Variants in MAGEB17 observed in about 807,000 individuals in gnomAD.
MAGEB17 encodes the protein melanoma-associated antigen B17.
For missense variants in MAGEB17, 251 were observed against 281.4 expected (o/e 0.89, Z 0.77); for synonymous variants, 110 against 112.4 (o/e 0.98, Z 0.13).
At chrX:16,170,206 G>T (rs1303809607) in intron 1 of MAGEB17, 128 bp from the exon 2 acceptor site, 3 of 967,801 alleles carry the variant, frequency 3.1e-6, no homozygotes, top group Non-Finnish European at 4.0e-6. Flanking sequence ...CCAGGGGACA[G>T]GCTGCCCTGG....
chrX:16,171,254 C>T lies in MAGEB17; in HGVS notation c.872C>T (p.Ala291Val). 1 of 1,209,708 alleles carries T rather than the reference C, an allele frequency of 8.3e-7. No individual in the cohort carries two copies. Among genetic ancestry groups the T allele is most frequent in the Non-Finnish European group, 1.1e-6 (1 of 894,722 alleles). ...AAAATGAAAGTCCTGGAGTTTGTGG[C>T]CAAGCTCAATGATACCGTTGCCAGT... The part of the protein sequence containing the change: ...TSKMKVLEFV[A>V]KLNDTVASTY... The change falls in exon 2 of 2, where the codon GCC becomes GTC. Residue 291 changes from alanine (A) to valine (V), a missense_variant. Ala to Val is a moderately conservative substitution (Grantham distance 64). Transcript: ENST00000400004.
At position 16,171,134 on chromosome X, in the gene MAGEB17, T is replaced by A; in HGVS notation, c.752T>A (p.Val251Glu). 1.7e-6 allele frequency: 2 copies of A among 1,210,808 alleles called. No homozygotes were observed. The highest frequency in any genetic ancestry group is 4.6e-4 in the Middle Eastern group (2 of 4,351). Residue 251 changes from valine (V) to glutamate (E), a missense_variant, in exon 2 of 2, where the codon GTG (valine) becomes GAG (glutamate). Val to Glu is a moderately radical substitution (Grantham distance 121, BLOSUM62 -2). Coordinates refer to ENST00000400004, the MANE Select transcript of MAGEB17 (RefSeq NM_001277307.2). ...CAGGAGCTTGTCACCAAAGATTTGG[T>A]GCGAGAGGGGTACCTGGAGTACCAG... ...EPQELVTKDL[V>E]REGYLEYQQV...
Position 16,167,973 on chromosome X carries a change from G to A in MAGEB17, c.-50+190G>A, listed in dbSNP as rs897409174. ...GGTGTGAGGGTGAGGCTTCGATTCT[G>A]CAGAGGGATGGACTCCTAGGCCCTA... On this transcript the variant is annotated intron_variant, in intron 1 of 1. Coordinates refer to ENST00000400004, the MANE Select transcript of MAGEB17 (RefSeq NM_001277307.2). Among the ~76,000 whole-genome samples, 7 of 111,526 alleles carry A rather than the reference G, an allele frequency of 6.3e-5. No individual in the cohort carries two copies. The East Asian group carries it at 1.4e-3, about 23-fold the overall frequency.
chrX:16,168,366 A>C (rs2147043605), intron 1 of MAGEB17, among the ~76,000 whole-genome samples: 1 of 110,947 alleles, frequency 9.0e-6, no homozygotes, highest in African/African-American at 3.3e-5. Context: ...AAAAAAGGAA[A>C]AAGCAAGAGA....
At position 16,170,440 on chromosome X, in the gene MAGEB17, G is replaced by C. The variant is rs1923032420; in HGVS notation, c.58G>C (p.Gly20Arg). The change falls in exon 2 of 2, where the codon GGT becomes CGT. Residue 20 changes from glycine (G) to arginine (R), a missense_variant. By Grantham distance (125) the Gly-to-Arg change is moderately radical (BLOSUM62 -2). Transcript: ENST00000400004. ...RAREKRRQAR[G>R]EDQCLGGAQA... is the part of the protein sequence containing the mutation. ...CCGTGAGAAACGCCGCCAGGCTCGA[G>C]GTGAAGACCAATGTCTCGGGGGTGC... 8.6e-7 allele frequency: 1 copy of C among 1,165,679 alleles called. No individual in the cohort carries two copies. The highest frequency in any genetic ancestry group is 2.6e-5 in the Admixed American group (1 of 38,655).
chrX:16,170,319 T>A lies in MAGEB17; in HGVS notation c.-49-15T>A. 1 of 1,119,722 alleles carries A rather than the reference T, an allele frequency of 8.9e-7. No individual in the cohort carries two copies. The highest frequency in any genetic ancestry group is 1.2e-6 in the Non-Finnish European group (1 of 851,141). 92.3% of individuals were successfully genotyped at this position (1,119,722 alleles called of 1,213,427 possible). The stretch of plus-strand genomic sequence containing the variant: ...CCCACTGAGGGGCTCACACACTCTG[T>A]TCCTCCTGCTCCAGGTGCCCACCTC... On this transcript the variant is annotated splice_polypyrimidine_tract_variant and intron_variant, in intron 1 of 1. Coordinates refer to ENST00000400004, the MANE Select transcript of MAGEB17 (RefSeq NM_001277307.2).
rs1923030236 is a variant in MAGEB17, at chrX:16,170,392, GGTCAGGCGA to G, written c.13_21del (p.Gln5_Ser7del). Reference sequence around the variant, plus strand: ...CCTAAGCACAGTCATCATGCCTCGCGGTCAGGCGAGTAAGCGCCGTGCCCGTGAGAAACG... The same window carrying G: ...CCTAAGCACAGTCATCATGCCTCGCGGTAAGCGCCGTGCCCGTGAGAAACG... On this transcript the variant is annotated inframe_deletion, in exon 2 of 2. Transcript: ENST00000400004. 1 of 1,160,527 alleles carries G rather than the reference GGTCAGGCGA, an allele frequency of 8.6e-7. No homozygotes were observed. Among genetic ancestry groups the G allele is most frequent in the African/African-American group, 1.8e-5 (1 of 56,164 alleles).
Position 16,170,573 on chromosome X carries a change from G to T in MAGEB17, c.191G>T (p.Arg64Ile). Residue 64 changes from arginine to isoleucine, a missense_variant, in exon 2 of 2, where the codon AGA becomes ATA. Coordinates refer to ENST00000400004, the MANE Select transcript of MAGEB17 (RefSeq NM_001277307.2). ...GCAGGCATTCCTCAGGAGTCCCAGA[G>T]AGCCAGCTACCCCAGCTCTCCTGCT... ...PNAGIPQESQ[R>I]ASYPSSPASA... 8.6e-7 allele frequency: 1 copy of T among 1,166,999 alleles called. No homozygotes were observed. Among genetic ancestry groups the T allele is most frequent in the Non-Finnish European group, 1.1e-6 (1 of 873,071 alleles).
At chrX:16,170,300 G>A in intron 1 of MAGEB17, 34 bp from the exon 2 acceptor site, 1 of 1,105,020 alleles carries the variant, frequency 9.0e-7, no homozygotes, top group Non-Finnish European at 1.2e-6. Flanking sequence ...TCTCCCCACT[G>A]AGGGGCTCAC....
chrX:16,168,926 TGAG>T (rs1216141018), intron 1 of MAGEB17: 1 of 109,854 alleles, frequency 9.1e-6, no homozygotes, highest in Non-Finnish European at 1.9e-5. Context: ...AAACCCTGCG[TGAG>T]GAGGGAGGAA....
chrX:16,170,202 G>A, intron 1 of MAGEB17, 132 bp from the exon 2 acceptor site: 1 of 937,884 alleles, frequency 1.1e-6, no homozygotes, highest in Non-Finnish European at 1.4e-6. Flanking sequence ...GTCCCCAGGG[G>A]ACAGGCTGCC....
At chrX:16,170,280 T>C in intron 1 of MAGEB17, 54 bp from the exon 2 acceptor site, 2 of 1,094,851 alleles carry the variant, frequency 1.8e-6, no homozygotes, top group Non-Finnish European at 2.4e-6. Context: ...GAGGCCTCCT[T>C]AAGGTGATAT....
At chrX:16,167,865 G>A (rs1265510630) in intron 1 of MAGEB17, 82 bp downstream of exon 1, 3 of 111,935 alleles carry the variant, frequency 2.7e-5, no homozygotes, top group Non-Finnish European at 5.6e-5. Flanking sequence ...CCCGCCCCCG[G>A]GTACCCACCT....
At chrX:16,170,095 TCA>T (rs1465082825) in intron 1 of MAGEB17, among the ~76,000 whole-genome samples, 1 of 112,084 alleles carries the variant, frequency 8.9e-6, no homozygotes, top group Non-Finnish European at 1.9e-5. Flanking sequence ...CCAGATGGCC[TCA>T]GTTTCCCCTC....
intron 1 of MAGEB17, among the ~76,000 whole-genome samples, chrX:16,168,340 T>C (rs1405629598): frequency 2.2e-5 from 2 of 90,487 alleles, no homozygotes; most frequent in African/African-American, 8.5e-5. Flanking sequence ...CCCGTGTCTG[T>C]CACAAAGAAA....
chrX:16,170,829 G>A lies in MAGEB17; in HGVS notation c.447G>A (p.Glu149=). 8.6e-7 allele frequency: 1 copy of A among 1,167,446 alleles called. No homozygotes were observed. Among genetic ancestry groups the A allele is most frequent in the Non-Finnish European group, 1.1e-6 (1 of 873,152 alleles). ...GAAAGTACAAGCAGCACTTCCCTGA[G>A]ATCCTCCGGAGAAGCACTGAGAACG... is the stretch of plus-strand genomic sequence containing the variant. ...INRKYKQHFP[E]ILRRSTENVE... Residue 149 remains glutamate (E), a synonymous_variant, in exon 2 of 2, where the codon GAG becomes GAA. Transcript: ENST00000400004.
At chrX:16,170,191 G>T in intron 1 of MAGEB17, 143 bp from the exon 2 acceptor site, 2 of 852,938 alleles carry the variant, frequency 2.3e-6, no homozygotes, top group African/African-American at 4.1e-5. Flanking sequence ...TCCTCCCCAG[G>T]GTCCCCAGGG....
chrX:16,167,889 G>A (rs1922975278), intron 1 of MAGEB17, 106 bp downstream of exon 1: 1 of 112,006 alleles, frequency 8.9e-6, no homozygotes, highest in Admixed American at 9.4e-5. Flanking sequence ...TCAGCCGCGG[G>A]AGGCTCCAGT....
chrX:16,168,574 C>T (rs1408748002), intron 1 of MAGEB17: 2 of 112,417 alleles, frequency 1.8e-5, no homozygotes, highest in African/African-American at 3.2e-5. Context: ...AGGTCCCACC[C>T]TGAGCCAGGT....
Sources: allele counts gnomAD v4.1 joint callset (sites outside exome capture counted in the v4.1 genomes callset), GRCh38; gene constraint gnomAD v4.1.1; transcripts MANE v1.5; gene names NCBI Gene and HGNC (gene_info 2026-07-23, HGNC 2026-07-21).